DNAAF5: variants seen among roughly 807,000 people sequenced by gnomAD.
DNAAF5 encodes the protein dynein axonemal assembly factor 5, also known as HEAT repeat containing 2.
Under a neutral mutation model 75.8 loss-of-function variants are expected in DNAAF5, and 64 were observed. That is an observed-to-expected ratio of 0.84 (90% CI 0.69 to 1.04). The LOEUF is 1.04. DNAAF5 is among the 50% of genes least tolerant of loss of function. The pLI is 0.00. For synonymous variants in DNAAF5, 657 were observed against 557.2 expected (o/e 1.18, Z -2.52); for missense variants, 1,269 against 1,178.5 (o/e 1.08, Z -1.12).
chr7:778,152 G>T (rs1583522414), intron 11 of DNAAF5: 1 of 152,198 alleles, frequency 6.6e-6, no homozygotes, highest in Non-Finnish European at 1.5e-5. Flanking sequence ...CAAACATCCT[G>T]TTCCCACTGA....
chr7:780,165 C>T (rs1215628995), intron 12 of DNAAF5, 21 bp downstream of exon 12: 7 of 1,607,804 alleles, frequency 4.4e-6, no homozygotes, highest in African/African-American at 1.3e-5. Context: ...GACGGCTTGG[C>T]CTTCGTTCCG....
chr7:769,234 T>C (rs761974953), intron 8 of DNAAF5: 2 of 757,030 alleles, frequency 2.6e-6, no homozygotes, highest in Non-Finnish European at 4.9e-6. Flanking sequence ...GATAAGCCAG[T>C]GGACGCTCCC....
chr7:770,767 C>A (rs901799665), intron 9 of DNAAF5, 149 bp downstream of exon 9: 9 of 734,202 alleles, frequency 1.2e-5, no homozygotes, highest in South Asian at 1.1e-4. Context: ...CTCCCTCCCC[C>A]ACACTGAGTC....
intron 4 of DNAAF5, among the ~76,000 whole-genome samples, chr7:742,130 C>A (rs1358323436): frequency 6.6e-6 from 1 of 152,208 alleles, no homozygotes. Flanking sequence ...CCACCTTGGG[C>A]TTCATCTGTT....
In DNAAF5 at chr7:754,385, A is replaced by C. The variant is rs1032215128; in HGVS notation, c.1025-204A>C. On this transcript the variant is annotated intron_variant, in intron 4 of 12. Transcript: ENST00000297440. The surrounding 1 kb of genome is among the most constrained non-coding windows in gnomAD (Gnocchi z 4.8). ...TAGTGATCCACCTGCCTTGGCCTCC[A>C]CAGGGCTAGGACTGCAGCCGTGCAC... 3.3e-5 allele frequency among the ~76,000 whole-genome samples: 5 copies of C among 152,106 alleles called. No individual in the cohort carries two copies. The highest frequency in any genetic ancestry group is 1.2e-4 in the African/African-American group (5 of 41,404).
At chr7:750,351 C>A (rs1000224139) in intron 4 of DNAAF5, among the ~76,000 whole-genome samples, 1 of 152,174 alleles carries the variant, frequency 6.6e-6, no homozygotes, top group Admixed American at 6.5e-5. Context: ...CACCCAATGA[C>A]GTGTTTCCCA....
At position 729,682 on chromosome 7, in the gene DNAAF5, G is replaced by A. The variant is rs970435228; in HGVS notation, c.615G>A (p.Ser205=). 5.6e-6 allele frequency: 9 copies of A among 1,613,856 alleles called. No homozygotes were observed. The highest frequency in any genetic ancestry group is 2.7e-5 in the African/African-American group (2 of 74,932). The stretch of plus-strand genomic sequence containing the variant: ...CCTCAGACCACTTCCACATGCAGTC[G>A]GAGTCTCTGATCGGGCCCCTGATGC... ...QATPDHFHMQ[S]ESLIGPLMQT... is the part of the protein sequence containing the mutation. Residue 205 remains serine (S), a synonymous_variant, in exon 2 of 13, where the codon TCG becomes TCA. Transcript: ENST00000297440.
chr7:764,138 C>T (rs1295387522), intron 8 of DNAAF5, among the ~76,000 whole-genome samples, 164 bp downstream of exon 8: 1 of 152,234 alleles, frequency 6.6e-6, no homozygotes, highest in Non-Finnish European at 1.5e-5. Context: ...GGAGAAGCAG[C>T]ATTTTAAGGA....
intron 11 of DNAAF5, among the ~76,000 whole-genome samples, chr7:775,623 T>C (rs1055293431): frequency 1.3e-5 from 2 of 152,314 alleles, no homozygotes; most frequent in Middle Eastern, 3.4e-3. Context: ...TATGTATGTA[T>C]TGGGGGGCAG....
chr7:769,330 C>G (rs1439131092), intron 8 of DNAAF5: 1 of 640,598 alleles, frequency 1.6e-6, no homozygotes, highest in Non-Finnish European at 2.8e-6. Flanking sequence ...GGCCTGCAGG[C>G]TGAGCCTGGC....
intron 11 of DNAAF5, among the ~76,000 whole-genome samples, chr7:777,408 TAAA>T (rs1583521560): frequency 6.6e-6 from 1 of 151,994 alleles, no homozygotes; most frequent in East Asian, 1.9e-4. Context: ...CTCAAAAAGC[TAAA>T]AGAACAACAT....
intron 12 of DNAAF5, 59 bp downstream of exon 12, chr7:780,203 C>T (rs528935613): frequency 3.3e-6 from 5 of 1,515,216 alleles, no homozygotes; most frequent in African/African-American, 2.7e-5. Flanking sequence ...CTGCCACGGG[C>T]ATCTGTAGCT....
At chr7:728,417 G>A (rs900376021) in intron 1 of DNAAF5, among the ~76,000 whole-genome samples, 7 of 152,214 alleles carry the variant, frequency 4.6e-5, no homozygotes, top group African/African-American at 1.4e-4. Context: ...CCGAGTTCAG[G>A]TTGTTAAAAG....
chr7:752,044 CCA>C (rs1353611439), intron 4 of DNAAF5, among the ~76,000 whole-genome samples: 3 of 152,178 alleles, frequency 2.0e-5, no homozygotes, highest in African/African-American at 4.8e-5. Flanking sequence ...ACTCACAAAA[CCA>C]CAGTCATGGG....
chr7:762,802 C>CA (rs1230886467), intron 7 of DNAAF5, among the ~76,000 whole-genome samples: 1 of 152,090 alleles, frequency 6.6e-6, no homozygotes. Flanking sequence ...TTAGTAGAGA[C>CA]AAGGTTTTGC....
intron 8 of DNAAF5, 64 bp downstream of exon 8, chr7:764,038 C>G: frequency 2.6e-6 from 4 of 1,562,654 alleles, no homozygotes; most frequent in Non-Finnish European, 3.5e-6. Context: ...CCTGCTCCCC[C>G]AGGTGCTCAG....
chr7:784,212 C>T (rs1196520686), intron 12 of DNAAF5, among the ~76,000 whole-genome samples: 4 of 152,202 alleles, frequency 2.6e-5, no homozygotes, highest in African/African-American at 9.6e-5. Flanking sequence ...CGCCCGTGCT[C>T]AGTCTCTTGG....
chr7:745,996 T>A (rs1328979308), intron 4 of DNAAF5, among the ~76,000 whole-genome samples: 2 of 152,248 alleles, frequency 1.3e-5, no homozygotes, highest in Admixed American at 6.5e-5. Flanking sequence ...AATTTAGAAT[T>A]GAATGACAGT....
At chr7:749,090 G>T (rs1430744593) in intron 4 of DNAAF5, among the ~76,000 whole-genome samples, 1 of 152,076 alleles carries the variant, frequency 6.6e-6, no homozygotes, top group African/African-American at 2.4e-5. Flanking sequence ...TAACAGCACT[G>T]AAACCTCCGC....
Sources: allele counts gnomAD v4.1 joint callset (sites outside exome capture counted in the v4.1 genomes callset), GRCh38; gene constraint gnomAD v4.1.1; non-coding constraint Gnocchi (gnomAD v3.1); transcripts MANE v1.5; gene names NCBI Gene and HGNC (gene_info 2026-07-23, HGNC 2026-07-21).